LRRC3B: variants seen among roughly 807,000 people sequenced by gnomAD.
The protein encoded by LRRC3B is leucine-rich repeat-containing protein 3B.
A neutral mutation model predicts 12.8 loss-of-function variants in LRRC3B; 2 were observed. The observed-to-expected ratio is 0.16, with a 90% CI of 0.06 to 0.49. The LOEUF is 0.49. Ranked by LOEUF, LRRC3B falls within the 20% of genes least tolerant of loss-of-function variation. The probability of loss-of-function intolerance (pLI) is 0.96; values close to 1 mark genes in which losing one functional copy is unlikely to be tolerated. For missense variants in LRRC3B, 189 were observed against 319.4 expected (o/e 0.59, Z 3.11); for synonymous variants, 132 against 122.0 (o/e 1.08, Z -0.54).
chr3:26,699,154 C>T (rs1397353947), intron 1 of LRRC3B, among the ~76,000 whole-genome samples: 10 of 151,966 alleles, frequency 6.6e-5, no homozygotes, highest in East Asian at 5.8e-4. Context: ...TGATTAGATT[C>T]GGGTTAAATA....
At chr3:26,665,305 A>C (rs1699576307) in intron 1 of LRRC3B, among the ~76,000 whole-genome samples, 1 of 152,144 alleles carries the variant, frequency 6.6e-6, no homozygotes, top group South Asian at 2.1e-4. Flanking sequence ...TTTAACTTCT[A>C]AATCAAACTT....
intron 1 of LRRC3B, among the ~76,000 whole-genome samples, chr3:26,637,490 A>G (rs1559350725): frequency 1.3e-5 from 2 of 152,158 alleles, no homozygotes; most frequent in African/African-American, 2.4e-5. Flanking sequence ...GTGGATGGCA[A>G]TGAAGAGGTC....
At chr3:26,664,452 T>C (rs970313948) in intron 1 of LRRC3B, among the ~76,000 whole-genome samples, 4 of 152,112 alleles carry the variant, frequency 2.6e-5, no homozygotes, top group African/African-American at 9.7e-5. Flanking sequence ...TCTAGTGCCA[T>C]GTGTGGAGTC....
At chr3:26,639,386 G>C (rs930548443) in intron 1 of LRRC3B, among the ~76,000 whole-genome samples, 1 of 151,512 alleles carries the variant, frequency 6.6e-6, no homozygotes, top group Non-Finnish European at 1.5e-5. Context: ...CCTATATTTA[G>C]AGTTGATAAA....
chr3:26,623,276 G>A (rs552871832), intron 1 of LRRC3B, 39 bp downstream of exon 1: 2 of 152,450 alleles, frequency 1.3e-5, no homozygotes, highest in African/African-American at 4.8e-5. Flanking sequence ...CAGAGCGCGG[G>A]ATCATCCCTC....
At chr3:26,668,368 GC>G (rs1476040833) in intron 1 of LRRC3B, among the ~76,000 whole-genome samples, 1 of 152,060 alleles carries the variant, frequency 6.6e-6, no homozygotes, top group East Asian at 1.9e-4. Context: ...AGATTTGGGG[GC>G]CATGAAATTG....
At chr3:26,646,598 TAAAAAAAAAAAAA>T (rs529066996) in intron 1 of LRRC3B, among the ~76,000 whole-genome samples, 12 of 99,660 alleles carry the variant, frequency 1.2e-4, no homozygotes, top group East Asian at 7.6e-4. Flanking sequence ...GGATAGGAGG[TAAAAAAAAAAAAA>T]AAAAAAAAAA....
At chr3:26,659,070 A>T (rs1230156951) in intron 1 of LRRC3B, among the ~76,000 whole-genome samples, 2 of 152,198 alleles carry the variant, frequency 1.3e-5, no homozygotes, top group African/African-American at 4.8e-5. Flanking sequence ...TTATGTTAAA[A>T]ATGGGAGGTG....
At chr3:26,630,027 G>A (rs983482686) in intron 1 of LRRC3B, among the ~76,000 whole-genome samples, 3 of 148,872 alleles carry the variant, frequency 2.0e-5, no homozygotes, top group Non-Finnish European at 3.0e-5. Flanking sequence ...ACTTAGCACA[G>A]TAAGACTAAG....
intron 1 of LRRC3B, among the ~76,000 whole-genome samples, chr3:26,652,710 T>A (rs937243477): frequency 7.9e-5 from 12 of 151,306 alleles, no homozygotes; most frequent in Non-Finnish European, 1.3e-4. Flanking sequence ...TTCTTTTTTT[T>A]AAAAAAAAAT....
intron 1 of LRRC3B, among the ~76,000 whole-genome samples, chr3:26,708,373 A>T (rs1700657324): frequency 6.6e-6 from 1 of 152,212 alleles, no homozygotes; most frequent in Non-Finnish European, 1.5e-5. Context: ...AATAAGCAAT[A>T]CTTGCTGGAT....
At chr3:26,695,550 C>A (rs1002445747) in intron 1 of LRRC3B, among the ~76,000 whole-genome samples, 1 of 151,956 alleles carries the variant, frequency 6.6e-6, no homozygotes, top group Non-Finnish European at 1.5e-5. Context: ...AACAAAAAAA[C>A]TTCTTGATTT....
At chr3:26,705,274 G>A (rs1022519525) in intron 1 of LRRC3B, among the ~76,000 whole-genome samples, 1 of 152,054 alleles carries the variant, frequency 6.6e-6, no homozygotes, top group African/African-American at 2.4e-5. Context: ...AAGAAAATAT[G>A]AGCGAAATAT....
intron 1 of LRRC3B, among the ~76,000 whole-genome samples, chr3:26,677,874 C>T (rs1337214803): frequency 1.3e-5 from 2 of 152,138 alleles, no homozygotes; most frequent in African/African-American, 4.8e-5. Context: ...GATCATGGCT[C>T]ACTGCAGCCT....
At chr3:26,666,750 C>T (rs991481053) in intron 1 of LRRC3B, among the ~76,000 whole-genome samples, 1 of 152,104 alleles carries the variant, frequency 6.6e-6, no homozygotes, top group Non-Finnish European at 1.5e-5. Context: ...AGTTTTCCCA[C>T]TAATGTGCTT....
At chr3:26,682,779 A>G (rs1408154156) in intron 1 of LRRC3B, among the ~76,000 whole-genome samples, 3 of 152,180 alleles carry the variant, frequency 2.0e-5, no homozygotes, top group Non-Finnish European at 4.4e-5. Flanking sequence ...CCCATTGCAT[A>G]CTGCATGTGG....
intron 1 of LRRC3B, among the ~76,000 whole-genome samples, chr3:26,698,496 C>T (rs1700374712): frequency 6.6e-6 from 1 of 152,096 alleles, no homozygotes; most frequent in African/African-American, 2.4e-5. Context: ...ATAAGCCTTA[C>T]TCTATCTAGG....
intron 1 of LRRC3B, among the ~76,000 whole-genome samples, chr3:26,693,369 A>G (rs955893234): frequency 2.6e-5 from 4 of 151,418 alleles, no homozygotes; most frequent in Admixed American, 6.6e-5. Context: ...GAGCAGGAAC[A>G]TGCAAGACCT....
intron 1 of LRRC3B, among the ~76,000 whole-genome samples, chr3:26,645,273 G>A (rs1365717793): frequency 2.6e-5 from 4 of 152,156 alleles, no homozygotes; most frequent in East Asian, 3.9e-4. Flanking sequence ...CTACTAAAGA[G>A]GATGTTTACA....
Sources: allele counts gnomAD v4.1 joint callset (sites outside exome capture counted in the v4.1 genomes callset), GRCh38; gene constraint gnomAD v4.1.1; transcripts MANE v1.5; gene names NCBI Gene and HGNC (gene_info 2026-07-23, HGNC 2026-07-21).